The following POLQ variants were observed in gnomAD, a reference collection of about 807,000 sequenced individuals.
The protein encoded by POLQ is DNA polymerase theta.
A neutral mutation model predicts 259.2 loss-of-function variants in POLQ; 233 were observed. The ratio of observed to expected loss-of-function variants is 0.90; its 90% CI spans 0.81 to 1.00. POLQ has a LOEUF of 1.00. Ranked by LOEUF, POLQ falls within the 50% of genes least tolerant of loss-of-function variation. POLQ has a pLI of 0.00. For missense variants in POLQ, 2,871 were observed against 3,051.6 expected (o/e 0.94, Z 1.39); for synonymous variants, 1,025 against 1,048.8 (o/e 0.98, Z 0.44).
chr3:121,501,661 C>CAA (rs60180456), intron 12 of POLQ, among the ~76,000 whole-genome samples: 468 of 39,964 alleles, frequency 0.012, 35 homozygotes, highest in Non-Finnish European at 0.014. Flanking sequence ...GACTCCGTCT[C>CAA]AAAAAAAAAA....
At chr3:121,534,554 C>G (rs1284289794) in intron 5 of POLQ, among the ~76,000 whole-genome samples, 1 of 152,184 alleles carries the variant, frequency 6.6e-6, no homozygotes, top group Non-Finnish European at 1.5e-5. Context: ...GAACTGGCCT[C>G]AAGTGATCTG....
At chr3:121,470,086 C>T (rs1477413148) in intron 22 of POLQ, among the ~76,000 whole-genome samples, 2 of 152,102 alleles carry the variant, frequency 1.3e-5, no homozygotes, top group African/African-American at 4.8e-5. Flanking sequence ...GGGTGGATCA[C>T]GAGGTCAAGA....
chr3:121,479,366 G>GTGTGTGTC (rs1304519877), intron 19 of POLQ, among the ~76,000 whole-genome samples: 1 of 150,192 alleles, frequency 6.7e-6, no homozygotes, highest in East Asian at 1.9e-4. Context: ...AAAAAAATGT[G>GTGTGTGTC]TGTGTGTGTG....
At chr3:121,512,807 C>A in intron 9 of POLQ, among the ~76,000 whole-genome samples, 1 of 152,162 alleles carries the variant, frequency 6.6e-6, no homozygotes, top group East Asian at 1.9e-4. Flanking sequence ...AATAGAGGTA[C>A]TTTCAAACCT....
At position 121,472,025 on chromosome 3, in the gene POLQ, C is replaced by G. The variant is rs771285465; in HGVS notation, c.6683G>C (p.Arg2228Thr). ...KCLNPFLGME[R>T]IYPVSQSHTA... ...GTGCGACTGTGATACAGGATAGATT[C>G]TTTCCATTCCAAGAAAAGGATTAAG... The change falls in exon 22 of 30, where the codon AGA becomes ACA. Residue 2228 changes from arginine to threonine, a missense_variant. Transcript: ENST00000264233. The G allele has an allele frequency of 1.3e-6, 2 of 1,578,260 alleles. No homozygotes were observed. The highest frequency in any genetic ancestry group is 2.3e-5 in the East Asian group (1 of 44,394).
At chr3:121,535,277 C>G (rs2048442017) in intron 5 of POLQ, among the ~76,000 whole-genome samples, 1 of 151,992 alleles carries the variant, frequency 6.6e-6, no homozygotes. Context: ...CTAAAAATTC[C>G]CAGACAGAAT....
intron 7 of POLQ, among the ~76,000 whole-genome samples, chr3:121,528,069 T>C (rs1237572928): frequency 1.3e-5 from 2 of 152,224 alleles, no homozygotes; most frequent in Admixed American, 6.5e-5. Flanking sequence ...TACATTTTTC[T>C]TCTGTGAATG....
intron 10 of POLQ, among the ~76,000 whole-genome samples, chr3:121,511,518 A>G (rs2048255259): frequency 6.6e-6 from 1 of 151,792 alleles, no homozygotes; most frequent in African/African-American, 2.4e-5. Flanking sequence ...AGTGGCTAAC[A>G]CCTGTAATCC....
rs553014523 is a variant in POLQ at position 121,450,822 on chromosome 3, T to G, written c.7153-1396A>C. 7.9e-5 allele frequency among the ~76,000 whole-genome samples: 12 copies of G among 152,274 alleles called. No individual in the cohort carries two copies. In the South Asian group the frequency reaches 1.2e-3, roughly 16 times the overall value. ...GTGGTGTTCTCTGGATTTCCTGAATTTGAATGTTGGGCTGCCTTGCTAGAT... is the reference window on the plus strand; with the variant it reads ...GTGGTGTTCTCTGGATTTCCTGAATGTGAATGTTGGGCTGCCTTGCTAGAT... On this transcript the variant is annotated intron_variant, in intron 25 of 29. Coordinates refer to ENST00000264233, the MANE Select transcript of POLQ (RefSeq NM_199420.4).
chr3:121,465,391 GAGAA>G (rs2047827009), intron 24 of POLQ, among the ~76,000 whole-genome samples: 1 of 152,080 alleles, frequency 6.6e-6, no homozygotes, highest in Admixed American at 6.6e-5. Context: ...CATGCCTTGT[GAGAA>G]ATACTTTTGA....
At chr3:121,486,317 G>A (rs1023722668) in intron 16 of POLQ, among the ~76,000 whole-genome samples, 15 of 151,556 alleles carry the variant, frequency 9.9e-5, no homozygotes, top group Non-Finnish European at 5.9e-5. Flanking sequence ...TTGGGAGGCC[G>A]AGGTGGGTGG....
At position 121,440,070 on chromosome 3, in the gene POLQ, G is replaced by A. The variant is rs763663799; in HGVS notation, c.7311C>T (p.Asp2437=). 32 of 1,608,288 alleles carry A rather than the reference G, an allele frequency of 2.0e-5. No individual in the cohort carries two copies. Among genetic ancestry groups the A allele is most frequent in the Middle Eastern group, 1.6e-4 (1 of 6,078 alleles). Residue 2437 remains aspartate (D), a synonymous_variant, in exon 27 of 30, where the codon GAC becomes GAT. Coordinates refer to ENST00000264233, the MANE Select transcript of POLQ (RefSeq NM_199420.4). ...TTCCCAAAATGGTCTGAACAAATCC[G>A]TCTCTTTTACAATTCTTCACTGTCT... ...MTETVKNCKR[D]GFVQTILGRR...
chr3:121,529,782 T>C lies in POLQ; in HGVS notation c.971A>G (p.Asp324Gly). The stretch of plus-strand genomic sequence containing the variant: ...CTCATAACATAAACTAACAACATGG[T>C]CCTCATCTCCCTAAAACAGAAAGAT... ...EPMLQVKGDE[D>G]HVVSLCYETI... The change falls in exon 7 of 30, where the codon GAC becomes GGC. Residue 324 changes from aspartate (D) to glycine (G), a missense_variant. By Grantham distance (94) the Asp-to-Gly change is moderately conservative. Around this residue, in one of 3 missense-constraint regions of POLQ, gnomAD observed 783 missense variants for 906.2 expected, o/e 0.86. Transcript: ENST00000264233. 6.2e-7 allele frequency: 1 copy of C among 1,608,958 alleles called. No individual in the cohort carries two copies. Among genetic ancestry groups the C allele is most frequent in the Non-Finnish European group, 8.5e-7 (1 of 1,177,810 alleles).
chr3:121,470,960 A>G (rs1052197309), intron 22 of POLQ, among the ~76,000 whole-genome samples: 3 of 152,152 alleles, frequency 2.0e-5, no homozygotes, highest in Admixed American at 6.5e-5. Flanking sequence ...TACATGAAAA[A>G]AAATGTAGGC....
intron 22 of POLQ, 116 bp from the exon 23 acceptor site, chr3:121,468,547 A>G: frequency 1.6e-6 from 1 of 627,984 alleles, no homozygotes. Context: ...CTGAACTGAA[A>G]TACATTTATA....
chr3:121,494,953 T>G, intron 14 of POLQ: 2 of 651,270 alleles, frequency 3.1e-6, no homozygotes, highest in Non-Finnish European at 4.6e-6. Flanking sequence ...ATTAAAATAA[T>G]ACAAATTTTC....
intron 15 of POLQ, among the ~76,000 whole-genome samples, chr3:121,491,478 G>A (rs2048068515): frequency 1.3e-5 from 2 of 152,124 alleles, no homozygotes; most frequent in Non-Finnish European, 2.9e-5. Flanking sequence ...AGAAATTGGA[G>A]TGGGGTTGAG....
At chr3:121,518,829 T>A (rs2048316558) in intron 9 of POLQ, among the ~76,000 whole-genome samples, 1 of 152,146 alleles carries the variant, frequency 6.6e-6, no homozygotes, top group East Asian at 1.9e-4. Flanking sequence ...GACAATTATG[T>A]CCTAGAGTAG....
At position 121,541,464 on chromosome 3, in the gene POLQ, C is replaced by A. The variant is rs778991894; in HGVS notation, c.359G>T (p.Gly120Val). 2 of 1,604,264 alleles carry A rather than the reference C, an allele frequency of 1.2e-6. No homozygotes were observed. The highest frequency in any genetic ancestry group is 2.7e-5 in the African/African-American group (2 of 74,294). ...AAGTAATTCTGCCACAAGAGTCTTC[C>A]CAGCACTTGTAGGAGCTAAAACATG... ...NLVYSAPTSA[G>V]KTLVAELLIL... The change falls in exon 3 of 30, where the codon GGG (glycine) becomes GTG (valine). Residue 120 changes from glycine to valine, a missense_variant. Coordinates refer to ENST00000264233, the MANE Select transcript of POLQ (RefSeq NM_199420.4).
Sources: allele counts gnomAD v4.1 joint callset (sites outside exome capture counted in the v4.1 genomes callset), GRCh38; gene constraint gnomAD v4.1.1; regional missense constraint gnomAD v4.1.1; transcripts MANE v1.5; gene names NCBI Gene and HGNC (gene_info 2026-07-23, HGNC 2026-07-21).